The following TMEM92 variants were observed in gnomAD, a reference collection of about 807,000 sequenced individuals.
The protein encoded by TMEM92 is transmembrane protein 92.
Under a neutral mutation model 14.6 loss-of-function variants are expected in TMEM92, and 15 were observed. That is an observed-to-expected ratio of 1.03 (90% CI 0.69 to 1.58). The LOEUF is 1.58. TMEM92 is among the 40% of genes most tolerant of loss of function. TMEM92 has a pLI of 0.00. For synonymous variants in TMEM92, 85 were observed against 83.3 expected (o/e 1.02, Z -0.11); for missense variants, 174 against 202.4 (o/e 0.86, Z 0.85).
At chr17:50,273,901 G>A (rs912257782), upstream of TMEM92, among the ~76,000 whole-genome samples, 6 of 152,222 alleles carry the variant, frequency 3.9e-5, no homozygotes, top group African/African-American at 1.4e-4. Context: ...CTTAGGAGTG[G>A]AGGAGTTGGG....
chr17:50,275,378 C>A (rs12936534), intron 1 of TMEM92, among the ~76,000 whole-genome samples: 7 of 151,956 alleles, frequency 4.6e-5, no homozygotes, highest in African/African-American at 1.5e-4. Context: ...CTGCCAAAAC[C>A]CTTCCGTGGA....
Position 50,275,568 on chromosome 17 carries a change from T to G in TMEM92, c.69+998T>G, listed in dbSNP as rs144437265. On this transcript the variant is annotated intron_variant, in intron 1 of 4. Coordinates refer to ENST00000507382, the MANE Select transcript of TMEM92 (RefSeq NM_153229.3). ...ACTTACTCCCAGCCCAAGACCACCCTGACGCTCCATAAAACTCAGCCTCTG... is the reference window on the plus strand; with the variant it reads ...ACTTACTCCCAGCCCAAGACCACCCGGACGCTCCATAAAACTCAGCCTCTG... Among the ~76,000 whole-genome samples, 818 of 152,270 alleles carry G rather than the reference T, an allele frequency of 5.4e-3. 4 individuals are homozygous for G. Among genetic ancestry groups the G allele is most frequent in the African/African-American group, 0.019 (777 of 41,544 alleles).
upstream of TMEM92, among the ~76,000 whole-genome samples, chr17:50,273,607 G>C (rs1446441272): frequency 6.6e-6 from 1 of 152,240 alleles, no homozygotes; most frequent in Non-Finnish European, 1.5e-5. Context: ...GGACACGAAG[G>C]TACCCACGTT....
At chr17:50,274,462 C>T (rs192187839), upstream of TMEM92, 122 of 1,609,242 alleles carry the variant, frequency 7.6e-5, no homozygotes, top group African/African-American at 1.2e-3. Context: ...CGCAGCCCCG[C>T]CTTCTCTACA....
rs1243867010 is a variant in TMEM92 at position 50,281,214 on chromosome 17, G to A, written c.*1906G>A. On this transcript the variant is annotated 3_prime_UTR_variant, in exon 5 of 5. Coordinates refer to ENST00000507382, the MANE Select transcript of TMEM92 (RefSeq NM_153229.3). ...TCTTCTGGTCATCCTTGGTGGGAGT[G>A]GGAATGGTGTCACCTTTCTAGAGGG... 6.6e-6 allele frequency: 1 copy of A among 152,070 alleles called. No individual in the cohort carries two copies. Among genetic ancestry groups the A allele is most frequent in the Non-Finnish European group, 1.5e-5 (1 of 67,984 alleles). The allele number at this position is 152,070 out of a possible 1,614,324, so 9.4% of individuals were successfully genotyped here.
rs1029496151 is a variant in TMEM92, at chr17:50,280,232, G to T, written c.*924G>T. On this transcript the variant is annotated 3_prime_UTR_variant, in exon 5 of 5. Transcript: ENST00000507382. Reference sequence around the variant, plus strand: ...GGAAACCACCTGCTGGGAGACAATGGGGGTGGGGAAAAGCCCAGGAGAGCA... The same window carrying T: ...GGAAACCACCTGCTGGGAGACAATGTGGGTGGGGAAAAGCCCAGGAGAGCA... 15 of 152,286 alleles carry T rather than the reference G, an allele frequency of 9.8e-5. No homozygotes were observed. Among genetic ancestry groups the T allele is most frequent in the African/African-American group, 2.9e-4 (12 of 41,434 alleles). 9.4% of individuals were successfully genotyped at this position (152,286 alleles called of 1,614,324 possible).
chr17:50,276,608 G>A (rs1372666109), intron 1 of TMEM92, among the ~76,000 whole-genome samples: 4 of 152,128 alleles, frequency 2.6e-5, no homozygotes, highest in African/African-American at 9.7e-5. Flanking sequence ...GCTAGGGTGG[G>A]GTGAGAGATG....
At chr17:50,271,770 A>G (rs1001227421), upstream of TMEM92, among the ~76,000 whole-genome samples, 6 of 152,170 alleles carry the variant, frequency 3.9e-5, no homozygotes, top group African/African-American at 1.4e-4. Context: ...CAGGTGTAGT[A>G]GCTCACGCCT....
upstream of TMEM92, chr17:50,274,447 G>GA: frequency 6.3e-7 from 1 of 1,592,020 alleles, no homozygotes; most frequent in Non-Finnish European, 8.6e-7. Flanking sequence ...AGAAGTGGGA[G>GA]AGGTCGCAGC....
chr17:50,275,452 GC>G (rs1910399451), intron 1 of TMEM92, among the ~76,000 whole-genome samples: 1 of 151,998 alleles, frequency 6.6e-6, no homozygotes, highest in Non-Finnish European at 1.5e-5. Flanking sequence ...TCAATGCTGG[GC>G]TGGGCATCCT....
At chr17:50,277,688 A>T (rs1348533150) in intron 1 of TMEM92, 27 bp from the exon 2 acceptor site, 18 of 1,612,250 alleles carry the variant, frequency 1.1e-5, no homozygotes, top group Middle Eastern at 1.6e-4. Flanking sequence ...TATGACCCTG[A>T]CCCCCGACCT....
At chr17:50,274,422 G>C, upstream of TMEM92, 1 of 1,506,966 alleles carries the variant, frequency 6.6e-7, no homozygotes, top group Non-Finnish European at 9.2e-7. Context: ...CCGAGGCGGG[G>C]CCCCATAGGT....
At chr17:50,274,289 A>G, upstream of TMEM92, 1 of 575,134 alleles carries the variant, frequency 1.7e-6, no homozygotes, top group South Asian at 2.1e-5. Context: ...AAAATCCGTT[A>G]ATCTCTTCTA....
At position 50,281,086 on chromosome 17, in the gene TMEM92, C is replaced by G. The variant is rs2272380; in HGVS notation, c.*1778C>G. 0.058 allele frequency: 8,900 copies of G among 152,232 alleles called. 368 individuals carry two copies. Among genetic ancestry groups the G allele is most frequent in the East Asian group, 0.15 (765 of 5,178 alleles). 9.4% of individuals were successfully genotyped at this position (152,232 alleles called of 1,614,324 possible). ...CGTTGCCTTCCTTTCATCACAGGGC[C>G]TTTAACTCCTCCTAGGGAGTAGCAG... On this transcript the variant is annotated 3_prime_UTR_variant, in exon 5 of 5. Transcript: ENST00000507382.
chr17:50,273,254 C>T (rs971652241), upstream of TMEM92, among the ~76,000 whole-genome samples: 2 of 152,150 alleles, frequency 1.3e-5, no homozygotes, highest in African/African-American at 4.8e-5. Context: ...CCTCGCCCAG[C>T]GCCCCCAGCC....
chr17:50,277,877 C>A lies in TMEM92; in HGVS notation c.95+137C>A. On this transcript the variant is annotated intron_variant, in intron 2 of 4. Coordinates refer to ENST00000507382, the MANE Select transcript of TMEM92 (RefSeq NM_153229.3). ...CCCAATCCAGCCAGAAACTGTCCCCCCACTTTCCCAGCCAAAGAGGGAGAC... is the reference window on the plus strand; with the variant it reads ...CCCAATCCAGCCAGAAACTGTCCCCACACTTTCCCAGCCAAAGAGGGAGAC... 16 of 1,131,832 alleles carry A rather than the reference C, an allele frequency of 1.4e-5. 1 individual carries two copies. The South Asian group carries it at 2.0e-4, about 14-fold the overall frequency. The allele number at this position is 1,131,832 out of a possible 1,614,324, so 70.1% of individuals were successfully genotyped here.
chr17:50,274,685 A>G, intron 1 of TMEM92, 115 bp downstream of exon 1: 1 of 874,922 alleles, frequency 1.1e-6, no homozygotes, highest in Non-Finnish European at 1.8e-6. Context: ...CTGACCACAC[A>G]CAGTTAGCTA....
intron 2 of TMEM92, 123 bp downstream of exon 2, chr17:50,277,863 C>A: frequency 8.0e-7 from 1 of 1,246,312 alleles, no homozygotes. Context: ...CCAATCCAGC[C>A]AGAAACTGTC....
upstream of TMEM92, among the ~76,000 whole-genome samples, chr17:50,273,681 T>C (rs7221964): frequency 0.17 from 25,931 of 152,250 alleles, 2,278 homozygotes; most frequent in East Asian, 0.31. Flanking sequence ...GCCAGGCTGC[T>C]CTGTCCCTCC....
Sources: allele counts gnomAD v4.1 joint callset (sites outside exome capture counted in the v4.1 genomes callset), GRCh38; gene constraint gnomAD v4.1.1; transcripts MANE v1.5; gene names NCBI Gene and HGNC (gene_info 2026-07-23, HGNC 2026-07-21).